CYP2C18: variants seen among roughly 807,000 people sequenced by gnomAD.
CYP2C18 encodes the protein cytochrome P450 family 2 subfamily C member 18.
CYP2C18 carries 38 observed loss-of-function variants against 41.3 expected under a neutral mutation model. That is an observed-to-expected ratio of 0.92 (90% CI 0.71 to 1.21). CYP2C18 has a LOEUF of 1.21. CYP2C18 is among the 50% of genes most tolerant of loss of function. The pLI is 0.00. For synonymous variants in CYP2C18, 236 were observed against 210.0 expected (o/e 1.12, Z -1.07); for missense variants, 635 against 591.4 (o/e 1.07, Z -0.77).
intron 8 of CYP2C18, among the ~76,000 whole-genome samples, chr10:94,734,761 G>A (rs1200677106): frequency 6.6e-6 from 1 of 152,112 alleles, no homozygotes; most frequent in Non-Finnish European, 1.5e-5. Context: ...CAAGCCATTT[G>A]GCCTTTATCC....
At chr10:94,734,820 T>G (rs34699955) in intron 8 of CYP2C18, among the ~76,000 whole-genome samples, 6,159 of 152,268 alleles carry the variant, frequency 0.04, 123 homozygotes, top group Admixed American at 0.058. Flanking sequence ...GAGACTGACA[T>G]GTTTAGACAT....
chr10:94,720,659 C>T (rs1847631614), intron 6 of CYP2C18, 122 bp downstream of exon 6: 3 of 990,430 alleles, frequency 3.0e-6, no homozygotes, highest in African/African-American at 1.6e-5. Flanking sequence ...GTGCCATTGG[C>T]TCTAAGTTGT....
At position 94,694,889 on chromosome 10, in the gene CYP2C18, G is replaced by T. The variant is rs751916980; in HGVS notation, c.482-28G>T. 1.6e-5 allele frequency: 25 copies of T among 1,599,592 alleles called. No individual in the cohort carries two copies. In the Admixed American group the frequency reaches 4.3e-4, roughly 27 times the overall value. On this transcript the variant is annotated intron_variant, in intron 3 of 8. Coordinates refer to ENST00000285979, the MANE Select transcript of CYP2C18 (RefSeq NM_000772.3). ...AGTATTTTATATGTATATTTTAATG[G>T]TAATTTAAAATATTTCCAATCCTTT...
At chr10:94,704,982 C>T (rs1254766853) in intron 4 of CYP2C18, among the ~76,000 whole-genome samples, 1 of 152,002 alleles carries the variant, frequency 6.6e-6, no homozygotes, top group Non-Finnish European at 1.5e-5. Flanking sequence ...CGTGTTAGTC[C>T]TCAGACAGGT....
chr10:94,724,035 A>T (rs966808772), intron 6 of CYP2C18, among the ~76,000 whole-genome samples: 1 of 152,002 alleles, frequency 6.6e-6, no homozygotes, highest in Non-Finnish European at 1.5e-5. Flanking sequence ...TCTTTCTTCA[A>T]GAACAGTAAT....
In CYP2C18 at chr10:94,688,273, T is replaced by C. The variant is rs922447260; in HGVS notation, c.480T>C (p.Asn160=). 4 of 1,601,132 alleles carry C rather than the reference T, an allele frequency of 2.5e-6. No individual in the cohort carries two copies. Among genetic ancestry groups the C allele is most frequent in the South Asian group, 2.3e-5 (2 of 86,248 alleles). ...TTGTGGAGGAGTTGAGAAAAACCAA[T>C]GGTGGGTGACTTTTTTTTTTCCTGA... ...RCLVEELRKT[N]ASPCDPTFIL... is the part of the protein sequence containing the mutation. The change falls in exon 3 of 9, where the codon AAT becomes AAC. Residue 160 remains asparagine, a splice_region_variant and synonymous_variant. Coordinates refer to ENST00000285979, the MANE Select transcript of CYP2C18 (RefSeq NM_000772.3).
In CYP2C18 at chr10:94,684,983, A is replaced by G. The variant is rs140684348; in HGVS notation, c.168+996A>G. Among the ~76,000 whole-genome samples the G allele has an allele frequency of 3.4e-3, 510 of 151,992 alleles. 2 individuals are homozygous for G. Among genetic ancestry groups the G allele is most frequent in the African/African-American group, 0.012 (494 of 41,458 alleles). The stretch of plus-strand genomic sequence containing the variant: ...TAAAAAATATATCTTGGCCATTTGT[A>G]TGTCTTTTTTTGAAAAATGTCTACT... On this transcript the variant is annotated intron_variant, in intron 1 of 8. Coordinates refer to ENST00000285979, the MANE Select transcript of CYP2C18 (RefSeq NM_000772.3).
At chr10:94,730,281 C>T (rs1394610105) in intron 7 of CYP2C18, among the ~76,000 whole-genome samples, 1 of 152,100 alleles carries the variant, frequency 6.6e-6, no homozygotes, top group Non-Finnish European at 1.5e-5. Flanking sequence ...CAACTGTCCC[C>T]CTACTTGAAA....
intron 5 of CYP2C18, among the ~76,000 whole-genome samples, chr10:94,719,731 C>T (rs533590952): frequency 4.6e-5 from 7 of 152,072 alleles, no homozygotes; most frequent in South Asian, 4.2e-4. Flanking sequence ...CATGCCATCA[C>T]GCCCGGCTAA....
At position 94,720,434 on chromosome 10, in the gene CYP2C18, C is replaced by CTTG; in HGVS notation, c.859_861dup (p.Leu287dup). The CTTG allele has an allele frequency of 6.2e-7, 1 of 1,612,626 alleles. No homozygotes were observed. The highest frequency in any genetic ancestry group is 8.5e-7 in the Non-Finnish European group (1 of 1,179,176). ...AACAGTCTGAATTTACTGTTGAAAG[C>CTTG]TTGATAGCCACTGTAACTGATATGT... On this transcript the variant is annotated inframe_insertion, in exon 6 of 9. Coordinates refer to ENST00000285979, the MANE Select transcript of CYP2C18 (RefSeq NM_000772.3).
chr10:94,699,749 T>G (rs1236512055), intron 4 of CYP2C18, among the ~76,000 whole-genome samples: 2 of 152,152 alleles, frequency 1.3e-5, no homozygotes, highest in African/African-American at 2.4e-5. Context: ...GCCCAAAATC[T>G]CCTTAAGCTG....
chr10:94,726,211 T>TA (rs1177355353), intron 7 of CYP2C18, among the ~76,000 whole-genome samples: 1 of 150,390 alleles, frequency 6.6e-6, no homozygotes, highest in Admixed American at 6.6e-5. Flanking sequence ...ATTTTTTTTT[T>TA]ATTATACTTT....
chr10:94,713,674 A>G (rs1847486521), intron 5 of CYP2C18, among the ~76,000 whole-genome samples: 1 of 152,222 alleles, frequency 6.6e-6, no homozygotes, highest in South Asian at 2.1e-4. Flanking sequence ...AGCATGATTT[A>G]TAATCCTTTG....
intron 3 of CYP2C18, among the ~76,000 whole-genome samples, chr10:94,690,144 G>T (rs778388306): frequency 6.6e-6 from 1 of 152,176 alleles, no homozygotes; most frequent in Middle Eastern, 3.4e-3. Context: ...CAACCTGATC[G>T]GTTGACCTCA....
chr10:94,696,257 T>A (rs1847115229), intron 4 of CYP2C18, among the ~76,000 whole-genome samples: 1 of 152,080 alleles, frequency 6.6e-6, no homozygotes, highest in Non-Finnish European at 1.5e-5. Context: ...ACACCTCACA[T>A]GGCTGGGTAC....
chr10:94,688,880 A>G (rs1469322812), intron 3 of CYP2C18, among the ~76,000 whole-genome samples: 2 of 152,176 alleles, frequency 1.3e-5, no homozygotes, highest in African/African-American at 2.4e-5. Flanking sequence ...GCACAGACAT[A>G]GTGGGAATGA....
At chr10:94,705,866 G>A (rs966650236) in intron 4 of CYP2C18, among the ~76,000 whole-genome samples, 5 of 152,092 alleles carry the variant, frequency 3.3e-5, no homozygotes, top group African/African-American at 1.2e-4. Context: ...CCCATTAGCT[G>A]GTGGTTTTTC....
chr10:94,716,644 G>T (rs76091266), intron 5 of CYP2C18, among the ~76,000 whole-genome samples: 3 of 152,022 alleles, frequency 2.0e-5, no homozygotes, highest in Admixed American at 6.6e-5. Flanking sequence ...GTGCTGAGAA[G>T]AATGTAAATT....
intron 4 of CYP2C18, among the ~76,000 whole-genome samples, chr10:94,704,690 AT>A (rs2134189273): frequency 6.6e-6 from 1 of 152,024 alleles, no homozygotes; most frequent in South Asian, 2.1e-4. Flanking sequence ...ATCTTCTCAC[AT>A]TTTTCTAACT....
Sources: allele counts gnomAD v4.1 joint callset (sites outside exome capture counted in the v4.1 genomes callset), GRCh38; gene constraint gnomAD v4.1.1; transcripts MANE v1.5; gene names NCBI Gene and HGNC (gene_info 2026-07-23, HGNC 2026-07-21).